TNRC6C: variants seen among roughly 807,000 people sequenced by gnomAD.
TNRC6C encodes the protein trinucleotide repeat containing adaptor 6C.
A neutral mutation model predicts 153.7 loss-of-function variants in TNRC6C; 20 were observed. The ratio of observed to expected loss-of-function variants is 0.13; its 90% CI spans 0.09 to 0.19. TNRC6C has a LOEUF of 0.19. TNRC6C is among the 10% of genes least tolerant of loss of function. The probability of loss-of-function intolerance (pLI) is 1.00; values close to 1 mark genes in which losing one functional copy is unlikely to be tolerated. For missense variants in TNRC6C, 1,987 were observed against 2,172.0 expected (o/e 0.91, Z 1.69); for synonymous variants, 811 against 841.4 (o/e 0.96, Z 0.63).
chr17:78,031,739 T>C lies in TNRC6C; in HGVS notation c.-322T>C, dbSNP rs370748045. 29 of 1,232,160 alleles carry C rather than the reference T, an allele frequency of 2.4e-5. No homozygotes were observed. In the African/African-American group the frequency reaches 4.5e-4, roughly 19 times the overall value. The allele number at this position is 1,232,160 out of a possible 1,614,324, so 76.3% of individuals were successfully genotyped here. On this transcript the variant is annotated 5_prime_UTR_variant, in exon 2 of 20. Coordinates refer to ENST00000301624, the Ensembl canonical transcript of TNRC6C. ...GAGGCCAGCCATTGCCTACGGGGAC[T>C]CTAACCAGTGTGAGCCCAACCCAGG...
At chr17:78,040,097 C>A (rs2072262929) in intron 2 of TNRC6C, among the ~76,000 whole-genome samples, 1 of 152,138 alleles carries the variant, frequency 6.6e-6, no homozygotes, top group Non-Finnish European at 1.5e-5. Context: ...AAACATTGGC[C>A]TTCTCATAAA....
At chr17:78,067,383 A>G (rs2072903030) in intron 4 of TNRC6C, among the ~76,000 whole-genome samples, 1 of 152,178 alleles carries the variant, frequency 6.6e-6, no homozygotes, top group Admixed American at 6.5e-5. Flanking sequence ...ACCACACAGG[A>G]CAATGAAATG....
chr17:78,035,103 G>T (rs1237348518), intron 2 of TNRC6C, among the ~76,000 whole-genome samples: 1 of 152,130 alleles, frequency 6.6e-6, no homozygotes, highest in Non-Finnish European at 1.5e-5. Flanking sequence ...AACCTCTCAT[G>T]ATCTCTAAGG....
Position 78,072,872 on chromosome 17 carries a change from A to G in TNRC6C, c.2860-165A>G, listed in dbSNP as rs1341812402. Among the ~76,000 whole-genome samples, 11 of 152,322 alleles carry G rather than the reference A, an allele frequency of 7.2e-5. No individual in the cohort carries two copies. The East Asian group carries it at 2.1e-3, about 29-fold the overall frequency. ...GTCAGTACATTTTCTTATTACAAGT[A>G]TTTTTAATTCAAAAGACATTGTCTC... On this transcript the variant is annotated intron_variant, in intron 6 of 19. Coordinates refer to ENST00000301624, the Ensembl canonical transcript of TNRC6C.
At chr17:78,028,151 T>C (rs945161204) in intron 1 of TNRC6C, among the ~76,000 whole-genome samples, 15 of 152,174 alleles carry the variant, frequency 9.9e-5, no homozygotes, top group African/African-American at 3.6e-4. Flanking sequence ...CGCCTCGGCC[T>C]CCCAAAGTGC....
chr17:78,030,642 C>G (rs2072052873), intron 1 of TNRC6C, among the ~76,000 whole-genome samples: 1 of 152,068 alleles, frequency 6.6e-6, no homozygotes, highest in African/African-American at 2.4e-5. Context: ...CAGAATGCAC[C>G]AATATATGTT....
intron 8 of TNRC6C, among the ~76,000 whole-genome samples, chr17:78,076,202 C>T (rs1333804214): frequency 1.4e-5 from 2 of 146,248 alleles, no homozygotes; most frequent in African/African-American, 5.1e-5. Flanking sequence ...GACGAGAGAG[C>T]GATACTCTGT....
At chr17:78,012,494 T>C (rs2071652916) in intron 1 of TNRC6C, among the ~76,000 whole-genome samples, 1 of 152,168 alleles carries the variant, frequency 6.6e-6, no homozygotes, top group African/African-American at 2.4e-5. Flanking sequence ...TAACCTAAAA[T>C]AAAGGCTTTT....
At chr17:77,994,125 G>A (rs1016110784) in intron 1 of TNRC6C, among the ~76,000 whole-genome samples, 16 of 152,094 alleles carry the variant, frequency 1.1e-4, no homozygotes, top group Non-Finnish European at 1.6e-4. Context: ...CCCAGGAGGC[G>A]AAGGTTGCAG....
At chr17:77,997,181 C>T (rs961280772) in intron 1 of TNRC6C, among the ~76,000 whole-genome samples, 1 of 152,088 alleles carries the variant, frequency 6.6e-6, no homozygotes, top group African/African-American at 2.4e-5. Context: ...TACTGGGCTG[C>T]GGGGCTTTGT....
chr17:77,958,414 C>G (rs921457957), upstream of TNRC6C, among the ~76,000 whole-genome samples: 1 of 151,854 alleles, frequency 6.6e-6, no homozygotes, highest in African/African-American at 2.4e-5. Context: ...GCGCGCACCG[C>G]TCGCACCCCG....
At chr17:78,071,277 G>A in intron 6 of TNRC6C, 112 bp downstream of exon 8, 1 of 1,075,088 alleles carries the variant, frequency 9.3e-7, no homozygotes, top group Non-Finnish European at 1.4e-6. Context: ...GATTGTTTGA[G>A]GAATGAGATA....
At chr17:78,081,282 C>T (rs555137648) in intron 10 of TNRC6C, among the ~76,000 whole-genome samples, 20 of 151,776 alleles carry the variant, frequency 1.3e-4, no homozygotes, top group African/African-American at 3.6e-4. Flanking sequence ...TCTCGGGGGA[C>T]GCAGACATTC....
intron 1 of TNRC6C, among the ~76,000 whole-genome samples, chr17:77,980,856 A>G (rs1360643146): frequency 6.6e-6 from 1 of 152,146 alleles, no homozygotes; most frequent in African/African-American, 2.4e-5. Context: ...AGAACAAGGT[A>G]TGGGGGGTGG....
At chr17:78,035,381 C>G (rs1336430292) in intron 2 of TNRC6C, among the ~76,000 whole-genome samples, 1 of 152,166 alleles carries the variant, frequency 6.6e-6, no homozygotes, top group East Asian at 1.9e-4. Context: ...GAAGAGATTC[C>G]TAATTTTGAA....
chr17:78,047,422 A>T (rs1249127250), intron 2 of TNRC6C, among the ~76,000 whole-genome samples: 1 of 152,222 alleles, frequency 6.6e-6, no homozygotes, highest in Non-Finnish European at 1.5e-5. Context: ...TTCACCTGGA[A>T]TTACGTACCT....
intron 1 of TNRC6C, among the ~76,000 whole-genome samples, chr17:77,985,678 C>G (rs976879623): frequency 3.0e-4 from 46 of 152,040 alleles, no homozygotes; most frequent in African/African-American, 1.1e-3. Flanking sequence ...TCTCTGACCT[C>G]TAAACCCAAA....
At chr17:78,060,049 A>G (rs1396545115) in intron 3 of TNRC6C, among the ~76,000 whole-genome samples, 1 of 152,146 alleles carries the variant, frequency 6.6e-6, no homozygotes, top group Non-Finnish European at 1.5e-5. Context: ...GTGCAGCTCA[A>G]GGCCCGTGGT....
At chr17:78,068,740 C>T (rs2072931425) in intron 5 of TNRC6C, among the ~76,000 whole-genome samples, 1 of 152,072 alleles carries the variant, frequency 6.6e-6, no homozygotes. Context: ...GTTGCAGTTG[C>T]AGTGAGCCAA....
Sources: gnomAD v4.1 joint callset for allele counts (sites outside exome capture counted in the v4.1 genomes callset) on GRCh38, gnomAD v4.1.1 for gene constraint, MANE v1.5 for transcripts, NCBI Gene and HGNC (gene_info 2026-07-23, HGNC 2026-07-21) for gene names.